UNC80: variants seen among roughly 807,000 people sequenced by gnomAD.
UNC80 encodes protein unc-80 homolog.
Under a neutral mutation model 384.6 loss-of-function variants are expected in UNC80, and 164 were observed. The ratio of observed to expected loss-of-function variants is 0.43; its 90% CI spans 0.38 to 0.49. UNC80 has a LOEUF of 0.49. Among genes scored for constraint, UNC80 ranks in the 20% least tolerant of loss-of-function variants. The pLI, the probability that UNC80 is intolerant of heterozygous loss-of-function variation, is 0.00. For synonymous variants in UNC80, 1,486 were observed against 1,527.8 expected, an observed-to-expected ratio of 0.97 and a Z score of 0.64; for missense variants, 3,330 against 4,143.0, an observed-to-expected ratio of 0.80 and a Z score of 5.39.
intron 47 of UNC80, among the ~76,000 whole-genome samples, chr2:209,946,912 A>G (rs1460125384): frequency 1.3e-5 from 2 of 152,180 alleles, no homozygotes; most frequent in East Asian, 3.8e-4. Flanking sequence ...CGGGATTTAT[A>G]TTAATTGAAC....
intron 14 of UNC80, among the ~76,000 whole-genome samples, chr2:209,827,705 C>T (rs1310485485): frequency 3.3e-5 from 5 of 152,158 alleles, no homozygotes; most frequent in African/African-American, 1.2e-4. Context: ...AGAAGCTAAA[C>T]ATTTTCAGAT....
chr2:209,992,546 G>T (rs1207793652), intron 62 of UNC80, among the ~76,000 whole-genome samples: 1 of 152,140 alleles, frequency 6.6e-6, no homozygotes, highest in East Asian at 1.9e-4. Flanking sequence ...TTAAAACGTG[G>T]TAAGTACTTA....
intron 28 of UNC80, among the ~76,000 whole-genome samples, chr2:209,900,782 C>G (rs1472838674): frequency 6.6e-6 from 1 of 152,178 alleles, no homozygotes; most frequent in East Asian, 1.9e-4. Flanking sequence ...AGTGCTACTC[C>G]AGTGAACACA....
chr2:209,926,931 A>G lies in UNC80; in HGVS notation c.5751A>G (p.Val1917=), dbSNP rs1367348300. 1.2e-5 allele frequency: 18 copies of G among 1,552,072 alleles called. No individual in the cohort carries two copies. Among genetic ancestry groups the G allele is most frequent in the Non-Finnish European group, 1.6e-5 (18 of 1,147,064 alleles). Residue 1917 remains valine, a synonymous_variant, in exon 36 of 65, where the codon GTA becomes GTG. Coordinates refer to ENST00000673920, the MANE Select transcript of UNC80 (RefSeq NM_001371986.1). ...AVFPACICAA[V]LPIVHLMEDG... ...TCCCAGCATGCATCTGTGCAGCAGT[A>G]CTTCCCATTGTTCATCTGATGGAGG...
chr2:209,844,377 C>T (rs2081979599), intron 21 of UNC80, among the ~76,000 whole-genome samples: 1 of 151,142 alleles, frequency 6.6e-6, no homozygotes, highest in African/African-American at 2.4e-5. Flanking sequence ...AAATTCCTTC[C>T]TTCCTTCCTT....
intron 63 of UNC80, 119 bp downstream of exon 63, chr2:209,993,545 A>C: frequency 1.3e-6 from 1 of 775,400 alleles, no homozygotes. Context: ...AGGTGCTAAC[A>C]TAAGGGAAGG....
At chr2:209,954,371 A>C in intron 48 of UNC80, 101 bp downstream of exon 48, 1 of 1,226,368 alleles carries the variant, frequency 8.2e-7, no homozygotes, top group South Asian at 2.1e-5. Context: ...CTAAAACCCA[A>C]TCTTTATTTA....
At chr2:209,866,533 C>CACACACACAG (rs1307214321) in intron 22 of UNC80, among the ~76,000 whole-genome samples, 3 of 104,086 alleles carry the variant, frequency 2.9e-5, no homozygotes, top group African/African-American at 4.0e-5. Context: ...CACACACACA[C>CACACACACAG]AGAGAGAGAG....
intron 25 of UNC80, among the ~76,000 whole-genome samples, chr2:209,887,597 A>G (rs1264999405): frequency 6.6e-6 from 1 of 152,186 alleles, no homozygotes; most frequent in Non-Finnish European, 1.5e-5. Flanking sequence ...TCTGTCGAGC[A>G]CAGTTCCGAG....
intron 51 of UNC80, among the ~76,000 whole-genome samples, chr2:209,964,517 G>A (rs1318384875): frequency 6.6e-6 from 1 of 152,092 alleles, no homozygotes; most frequent in African/African-American, 2.4e-5. Flanking sequence ...GGCCGGGCGC[G>A]GTTGTTCACG....
At chr2:209,831,970 T>G (rs2081003620) in intron 16 of UNC80, among the ~76,000 whole-genome samples, 2 of 152,238 alleles carry the variant, frequency 1.3e-5, no homozygotes, top group African/African-American at 4.8e-5. Context: ...TAAAAATTAA[T>G]GCAAATATGT....
intron 38 of UNC80, among the ~76,000 whole-genome samples, chr2:209,932,492 T>C (rs972120279): frequency 6.6e-6 from 1 of 152,210 alleles, no homozygotes; most frequent in Non-Finnish European, 1.5e-5. Flanking sequence ...TCAGTGTTTC[T>C]TTCGCTTGCC....
chr2:209,860,970 C>T (rs9631001), intron 22 of UNC80, among the ~76,000 whole-genome samples: 24,544 of 152,130 alleles, frequency 0.16, 2,601 homozygotes, highest in African/African-American at 0.29. Context: ...GTGTTTTCTA[C>T]GTATAAAATC....
rs764048627 is a variant in UNC80, at chr2:209,793,818, G to A, written c.897G>A (p.Leu299=). The A allele has an allele frequency of 5.0e-6, 8 of 1,613,986 alleles. No homozygotes were observed. In the African/African-American group the frequency reaches 1.1e-4, roughly 22 times the overall value. Residue 299 remains leucine (L), a synonymous_variant, in exon 7 of 65, where the codon CTG becomes CTA. Coordinates refer to ENST00000673920, the MANE Select transcript of UNC80 (RefSeq NM_001371986.1). ...GAGGAAACTCCTTTGATGGAAGTCT[G>A]TCCTCCCAAACTTCCCAGGAAAGAG... is the stretch of plus-strand genomic sequence containing the variant. ...CHRGNSFDGS[L]SSQTSQERGP...
In UNC80 at chr2:209,917,927, G is replaced by A. The variant is rs1490619535; in HGVS notation, c.5180G>A (p.Arg1727Gln). 25 of 1,551,656 alleles carry A rather than the reference G, an allele frequency of 1.6e-5. No individual in the cohort carries two copies. Among genetic ancestry groups the A allele is most frequent in the Middle Eastern group, 1.7e-4 (1 of 5,992 alleles). Residue 1727 changes from arginine (R) to glutamine (Q), a missense_variant, in exon 32 of 65, where the codon CGG becomes CAG. Arg to Gln is a conservative substitution (Grantham distance 43). Around this residue, in one of 8 missense-constraint regions of UNC80, gnomAD observed 801 missense variants for 950.8 expected, o/e 0.84. Coordinates refer to ENST00000673920, the MANE Select transcript of UNC80 (RefSeq NM_001371986.1). Reference protein sequence around the residue: ...LWRFRYQVWPRMEEGAQQIFK... With the variant: ...LWRFRYQVWPQMEEGAQQIFK... ...AGGTTTCGCTATCAGGTCTGGCCCC[G>A]GATGGAGGAAGGGGCACAGCAGATT...
chr2:209,791,721 G>A (rs1303241857), intron 6 of UNC80, among the ~76,000 whole-genome samples: 6 of 148,842 alleles, frequency 4.0e-5, no homozygotes, highest in African/African-American at 1.5e-4. Context: ...TCAGGAGGCT[G>A]AGGCAGGAGA....
At chr2:209,773,060 T>A in intron 1 of UNC80, 34 bp from the exon 2 acceptor site, 1 of 1,538,762 alleles carries the variant, frequency 6.5e-7, no homozygotes, top group Non-Finnish European at 9.0e-7. Context: ...ATTTTACTTA[T>A]GTTTATTAAC....
intron 28 of UNC80, among the ~76,000 whole-genome samples, chr2:209,899,016 G>A (rs920048823): frequency 2.6e-5 from 4 of 151,972 alleles, no homozygotes; most frequent in African/African-American, 4.8e-5. Context: ...TTGTTCATTC[G>A]TCTGTTGATG....
intron 25 of UNC80, 37 bp from the exon 26 acceptor site, chr2:209,888,058 G>C: frequency 6.5e-7 from 1 of 1,547,016 alleles, no homozygotes; most frequent in Non-Finnish European, 8.7e-7. Context: ...GTGCTGGGGA[G>C]ATGCCAGCAC....
Sources: gnomAD v4.1 joint callset for allele counts (sites outside exome capture counted in the v4.1 genomes callset) on GRCh38, gnomAD v4.1.1 for gene constraint, gnomAD v4.1.1 regional missense constraint, MANE v1.5 for transcripts, NCBI Gene and HGNC (gene_info 2026-07-23, HGNC 2026-07-21) for gene names.